The following FARP2 variants were observed in gnomAD, a reference collection of about 807,000 sequenced individuals.
The protein encoded by FARP2 is FERM, ARH/RhoGEF and pleckstrin domain protein 2.
Under a neutral mutation model 130.5 loss-of-function variants are expected in FARP2, and 111 were observed. The ratio of observed to expected loss-of-function variants is 0.85; its 90% CI spans 0.73 to 1.00. The LOEUF (loss-of-function observed/expected upper bound fraction) is 1.00. Ranked by LOEUF, FARP2 falls within the 50% of genes least tolerant of loss-of-function variation. The pLI is 0.00. For synonymous variants in FARP2, 504 were observed against 516.9 expected (o/e 0.98, Z 0.34); for missense variants, 1,385 against 1,346.3 (o/e 1.03, Z -0.45).
chr2:241,438,921 G>A (rs994011093), intron 12 of FARP2, among the ~76,000 whole-genome samples: 3 of 151,426 alleles, frequency 2.0e-5, no homozygotes, highest in African/African-American at 4.9e-5. Context: ...GAGCCACCGC[G>A]CCCGGCCAAC....
rs764503146 is a variant in FARP2, at chr2:241,464,426, C to G, written c.1893+446C>G. On this transcript the variant is annotated intron_variant, in intron 17 of 26. Transcript: ENST00000264042. ...TGCAGGGTACCCTCAGAACAGCATC[C>G]CCTCAGAGCAGGGGACCCCTCAAAA... Among the ~76,000 whole-genome samples the G allele has an allele frequency of 1.9e-4, 29 of 149,324 alleles. 1 individual carries two copies. The highest frequency in any genetic ancestry group is 2.7e-4 in the Admixed American group (4 of 15,058).
intron 18 of FARP2, among the ~76,000 whole-genome samples, chr2:241,470,202 G>T (rs536711026): frequency 6.6e-6 from 1 of 152,368 alleles, no homozygotes; most frequent in South Asian, 2.1e-4. Context: ...GAGTACATTT[G>T]TTGGGGCTGG....
intron 13 of FARP2, among the ~76,000 whole-genome samples, chr2:241,454,111 CTAT>C (rs2063768301): frequency 6.6e-6 from 1 of 152,046 alleles, no homozygotes; most frequent in Non-Finnish European, 1.5e-5. Flanking sequence ...ATTTACAGCC[CTAT>C]TACCCCACCC....
At position 241,456,889 on chromosome 2, in the gene FARP2, A is replaced by G; in HGVS notation, c.1554A>G (p.Gly518=). The change falls in exon 14 of 27, where the codon GGA becomes GGG. Residue 518 remains glycine (G), a synonymous_variant. Transcript: ENST00000264042. ...GCCCTGTCCTCAGTGATGCTGGCGG[A>G]GCCGGGATGGACTGCGAGGAGCCCA... ...LLSPVLSDAG[G]AGMDCEEPRH... 1 of 1,609,560 alleles carries G rather than the reference A, an allele frequency of 6.2e-7. No homozygotes were observed. Among genetic ancestry groups the G allele is most frequent in the Non-Finnish European group, 8.5e-7 (1 of 1,177,668 alleles).
At chr2:241,374,004 T>C (rs962266566) in intron 2 of FARP2, among the ~76,000 whole-genome samples, 2 of 152,020 alleles carry the variant, frequency 1.3e-5, no homozygotes, top group Non-Finnish European at 2.9e-5. Flanking sequence ...TTCTTTTTAT[T>C]CATCTTTTAC....
intron 5 of FARP2, among the ~76,000 whole-genome samples, chr2:241,410,587 G>A (rs1025862345): frequency 2.2e-4 from 34 of 151,902 alleles, no homozygotes; most frequent in African/African-American, 6.5e-4. Flanking sequence ...TGCACACCAC[G>A]CCCAGGTGGT....
At chr2:241,413,506 C>A in intron 7 of FARP2, 85 bp downstream of exon 7, 1 of 948,376 alleles carries the variant, frequency 1.1e-6, no homozygotes, top group Non-Finnish European at 1.6e-6. Flanking sequence ...GTTGTCGTGA[C>A]TTCTGCAAGA....
At chr2:241,476,310 C>T (rs565652046) in intron 19 of FARP2, among the ~76,000 whole-genome samples, 43 of 151,906 alleles carry the variant, frequency 2.8e-4, no homozygotes, top group African/African-American at 1.0e-3. Flanking sequence ...TCGCTTGAGC[C>T]AAGGAGGTCG....
intron 13 of FARP2, among the ~76,000 whole-genome samples, chr2:241,455,660 G>T (rs1208915709): frequency 6.6e-6 from 1 of 151,582 alleles, no homozygotes; most frequent in Non-Finnish European, 1.5e-5. Context: ...GGGATTACAG[G>T]TATGAGCCAC....
chr2:241,439,070 C>T (rs536416704), intron 12 of FARP2, among the ~76,000 whole-genome samples: 3 of 151,892 alleles, frequency 2.0e-5, no homozygotes, highest in South Asian at 2.1e-4. Context: ...TCTATCATCT[C>T]GGCTGCATGA....
chr2:241,388,939 T>G (rs546580169), intron 2 of FARP2, among the ~76,000 whole-genome samples: 1 of 152,286 alleles, frequency 6.6e-6, no homozygotes, highest in Admixed American at 6.5e-5. Context: ...TTGGGGTGAT[T>G]AGGCCATGAG....
At chr2:241,434,440 G>A (rs1001435800) in intron 10 of FARP2, 119 bp downstream of exon 10, 3 of 715,902 alleles carry the variant, frequency 4.2e-6, no homozygotes, top group Admixed American at 7.3e-5. Context: ...CACACAAAGT[G>A]GAGGTATTGT....
chr2:241,431,137 CTTTCT>C (rs1481617259), intron 8 of FARP2, among the ~76,000 whole-genome samples: 2 of 152,172 alleles, frequency 1.3e-5, no homozygotes, highest in Non-Finnish European at 2.9e-5. Flanking sequence ...TGTAAGCCCT[CTTTCT>C]CATGCACTGT....
intron 15 of FARP2, 81 bp from the exon 16 acceptor site, chr2:241,463,254 A>T (rs2150474541): frequency 6.6e-7 from 1 of 1,512,384 alleles, no homozygotes; most frequent in Non-Finnish European, 9.0e-7. Flanking sequence ...TGGGTGACCT[A>T]TGGCTACAGG....
At chr2:241,378,573 G>C (rs535870664) in intron 2 of FARP2, among the ~76,000 whole-genome samples, 49 of 151,942 alleles carry the variant, frequency 3.2e-4, no homozygotes, top group African/African-American at 1.1e-3. Context: ...CCACCATGCT[G>C]GCTAATTTGT....
intron 5 of FARP2, among the ~76,000 whole-genome samples, chr2:241,409,077 T>TA (rs1489556837): frequency 6.6e-6 from 1 of 152,088 alleles, no homozygotes; most frequent in South Asian, 2.1e-4. Flanking sequence ...GATAGATAGA[T>TA]ACCTGAAAAT....
At chr2:241,412,551 T>G (rs2062547488) in intron 6 of FARP2, among the ~76,000 whole-genome samples, 1 of 152,202 alleles carries the variant, frequency 6.6e-6, no homozygotes, top group East Asian at 1.9e-4. Flanking sequence ...ATTATTGAAC[T>G]TTATGTTATT....
intron 13 of FARP2, among the ~76,000 whole-genome samples, chr2:241,453,067 C>A (rs998892720): frequency 4.0e-5 from 6 of 151,814 alleles, no homozygotes; most frequent in Admixed American, 6.6e-5. Flanking sequence ...CGGTGGCTCA[C>A]ACCTGTAATC....
intron 19 of FARP2, chr2:241,478,597 G>T: frequency 2.0e-6 from 1 of 506,828 alleles, no homozygotes; most frequent in South Asian, 1.5e-5. Flanking sequence ...GGCCTGTGTT[G>T]AACTACCTGA....
Sources: allele counts gnomAD v4.1 joint callset (sites outside exome capture counted in the v4.1 genomes callset), GRCh38; gene constraint gnomAD v4.1.1; transcripts MANE v1.5; gene names NCBI Gene and HGNC (gene_info 2026-07-23, HGNC 2026-07-21).